Variants in PIEZO1 observed in about 807,000 individuals in gnomAD.
PIEZO1 encodes piezo type mechanosensitive ion channel component 1 (Er blood group).
PIEZO1 carries 296 observed loss-of-function variants against 297.2 expected under a neutral mutation model. The observed-to-expected ratio is 1.00, with a 90% CI of 0.91 to 1.10. The LOEUF is 1.10. Ranked by LOEUF, PIEZO1 falls within the 50% of genes least tolerant of loss-of-function variation. The pLI is 0.00. For missense variants in PIEZO1, 5,018 were observed against 3,455.5 expected, an observed-to-expected ratio of 1.45 and a Z score of -11.34; for synonymous variants, 2,427 against 1,507.5, an observed-to-expected ratio of 1.61 and a Z score of -14.13.
chr16:88,751,497 C>T (rs1005836197), intron 1 of PIEZO1, among the ~76,000 whole-genome samples: 4 of 152,226 alleles, frequency 2.6e-5, no homozygotes, highest in South Asian at 4.1e-4. Flanking sequence ...GCACACATCG[C>T]GGAGTGCCGG....
At chr16:88,779,503 G>A (rs1406463180) in intron 1 of PIEZO1, among the ~76,000 whole-genome samples, 2 of 152,196 alleles carry the variant, frequency 1.3e-5, no homozygotes, top group Non-Finnish European at 2.9e-5. Context: ...AGAGCAGGGA[G>A]CTCCAGCCCC....
In PIEZO1 at chr16:88,733,555, C is replaced by T. The variant is rs536851594; in HGVS notation, c.2487+33G>A. On this transcript the variant is annotated intron_variant, in intron 18 of 50. Coordinates refer to ENST00000301015, the MANE Select transcript of PIEZO1 (RefSeq NM_001142864.4). The stretch of plus-strand genomic sequence containing the variant: ...TGGGCAGGCCAGAGCGACCCCACCC[C>T]AGATGGGAAGCTGAGTTGCCTGCCA... 2.6e-6 allele frequency: 4 copies of T among 1,528,386 alleles called. No homozygotes were observed. The Admixed American group carries it at 6.0e-5, about 23-fold the overall frequency. 94.7% of individuals were successfully genotyped at this position (1,528,386 alleles called of 1,614,324 possible). A position where few individuals can be genotyped will look rare whatever the true frequency, so the allele number is the denominator to read the frequency against.
At chr16:88,732,219 T>C in intron 21 of PIEZO1, 116 bp downstream of exon 21, 1 of 871,424 alleles carries the variant, frequency 1.1e-6, no homozygotes, top group Non-Finnish European at 1.8e-6. Flanking sequence ...TCCCCCACCC[T>C]CTGTGGCCCA....
rs1452160099 is a variant in PIEZO1 at position 88,734,535 on chromosome 16, C to G, written c.2001G>C (p.Leu667=). ...TGAACTGCTCCAGGCCCAGGTCCCC[C>G]AGCCTGTGGAGGGGCAGCATCAGCA... ...RNLTGFTDEQ[L]GDLGLEQFSV... The change falls in exon 16 of 51, where the codon CTG becomes CTC. Residue 667 remains leucine, a synonymous_variant. Transcript: ENST00000301015. 6 of 1,542,332 alleles carry G rather than the reference C, an allele frequency of 3.9e-6. No individual in the cohort carries two copies. The Admixed American group carries it at 9.9e-5, about 25-fold the overall frequency.
intron 1 of PIEZO1, among the ~76,000 whole-genome samples, chr16:88,766,117 G>C (rs555456984): frequency 6.6e-6 from 1 of 152,220 alleles, no homozygotes; most frequent in African/African-American, 2.4e-5. Flanking sequence ...GTTGATTCAT[G>C]TGTCAGCGCT....
At position 88,722,052 on chromosome 16, in the gene PIEZO1, G is replaced by A. The variant is rs1321189012; in HGVS notation, c.4970C>T (p.Pro1657Leu). 3.9e-6 allele frequency: 6 copies of A among 1,546,574 alleles called. No individual in the cohort carries two copies. The highest frequency in any genetic ancestry group is 5.2e-6 in the Non-Finnish European group (6 of 1,145,836). Reference protein sequence around the residue: ...ELLLDRRLRIPELEEAELFAE... With the variant: ...ELLLDRRLRILELEEAELFAE... ...AAACAGCTCTGCCTCCTCCAGCTCT[G>A]GGATGCGCAGGCGCCTACAGGGAGA... The change falls in exon 37 of 51, where the codon CCA becomes CTA. Residue 1657 changes from proline to leucine, a missense_variant. Coordinates refer to ENST00000301015, the MANE Select transcript of PIEZO1 (RefSeq NM_001142864.4).
At chr16:88,776,327 G>C (rs942971231) in intron 1 of PIEZO1, among the ~76,000 whole-genome samples, 1 of 152,184 alleles carries the variant, frequency 6.6e-6, no homozygotes, top group Non-Finnish European at 1.5e-5. Context: ...CCAGCTACTC[G>C]GGAGGCTGAG....
chr16:88,735,809 CAG>C (rs1905171217), intron 12 of PIEZO1, among the ~76,000 whole-genome samples: 2 of 152,364 alleles, frequency 1.3e-5, no homozygotes, highest in African/African-American at 2.4e-5. Flanking sequence ...CACACACTGT[CAG>C]GGGCGCAGGG....
rs1005608662 is a variant in PIEZO1 at position 88,733,984 on chromosome 16, C to T, written c.2251G>A (p.Glu751Lys). Reference protein sequence around the residue: ...QQEHQQQQQEEEEEEEDSRDE... With the variant: ...QQEHQQQQQEKEEEEEDSRDE... ...CTGGAGTCCTCCTCCTCCTCCTCCTCCTCCTGCTGCTGCTGCTGATGCTCC... is the reference window on the plus strand; with the variant it reads ...CTGGAGTCCTCCTCCTCCTCCTCCTTCTCCTGCTGCTGCTGCTGATGCTCC... The change falls in exon 17 of 51, where the codon GAG (glutamate) becomes AAG (lysine). Residue 751 changes from glutamate (E) to lysine (K), a missense_variant. Transcript: ENST00000301015. The T allele has an allele frequency of 2.0e-6, 3 of 1,521,970 alleles. No homozygotes were observed. Among genetic ancestry groups the T allele is most frequent in the Non-Finnish European group, 1.8e-6 (2 of 1,123,528 alleles). The allele number at this position is 1,521,970 out of a possible 1,614,324, so 94.3% of individuals were successfully genotyped here. A position where few individuals can be genotyped will look rare whatever the true frequency, so the allele number is the denominator to read the frequency against.
chr16:88,760,371 AC>A (rs1567688953), intron 1 of PIEZO1, among the ~76,000 whole-genome samples: 1 of 152,176 alleles, frequency 6.6e-6, no homozygotes, highest in African/African-American at 2.4e-5. Context: ...CCCAGTCTAT[AC>A]TCTCTGTCCA....
intron 1 of PIEZO1, among the ~76,000 whole-genome samples, chr16:88,753,819 G>A (rs1906519754): frequency 6.6e-6 from 1 of 152,230 alleles, no homozygotes; most frequent in Admixed American, 6.5e-5. Context: ...GGAGGAGACG[G>A]CATTGCTTTT....
chr16:88,766,128 G>A (rs1242837566), intron 1 of PIEZO1, among the ~76,000 whole-genome samples: 4 of 152,208 alleles, frequency 2.6e-5, no homozygotes, highest in African/African-American at 4.8e-5. Context: ...TGTCAGCGCT[G>A]CTGGGCCACG....
In PIEZO1 at chr16:88,735,183, A is replaced by C. The variant is rs1905126128; in HGVS notation, c.1621T>G (p.Trp541Gly). Residue 541 changes from tryptophan to glycine, a missense_variant, in exon 13 of 51, where the codon TGG becomes GGG. Physicochemically the swap from Trp to Gly is radical, Grantham distance 184. Transcript: ENST00000301015. ...GTCAGCGCAGCTGGAGACTCTGCCC[A>C]CTTCAGCAGCTTCTCTTTCACAAAC... ...RQFVKEKLLK[W>G]AESPAALTEV... is the part of the protein sequence containing the mutation. The C allele has an allele frequency of 6.5e-7, 1 of 1,550,288 alleles. No homozygotes were observed. Among genetic ancestry groups the C allele is most frequent in the Admixed American group, 2.0e-5 (1 of 50,986 alleles).
intron 23 of PIEZO1, 34 bp from the exon 24 acceptor site, chr16:88,727,226 G>A (rs747146705): frequency 4.2e-5 from 63 of 1,503,972 alleles, no homozygotes; most frequent in Middle Eastern, 2.3e-4. Context: ...TGTGCCACAC[G>A]GGGACCCACA....
intron 22 of PIEZO1, among the ~76,000 whole-genome samples, chr16:88,729,769 G>A (rs543078875): frequency 7.0e-6 from 1 of 143,434 alleles, no homozygotes; most frequent in African/African-American, 2.6e-5. Context: ...CTCGATGCTG[G>A]GGAACCCAGG....
intron 1 of PIEZO1, among the ~76,000 whole-genome samples, chr16:88,772,990 G>A (rs532314021): frequency 1.3e-5 from 2 of 152,308 alleles, no homozygotes; most frequent in South Asian, 4.1e-4. Flanking sequence ...CCCCAGGGGT[G>A]CCTGGAAGAC....
chr16:88,755,103 G>C (rs1394551620), intron 1 of PIEZO1, among the ~76,000 whole-genome samples: 1 of 152,188 alleles, frequency 6.6e-6, no homozygotes, highest in East Asian at 1.9e-4. Context: ...GGGGCTGGGT[G>C]ATCTGTCCCG....
At chr16:88,764,929 C>G (rs1447554021) in intron 1 of PIEZO1, among the ~76,000 whole-genome samples, 1 of 152,140 alleles carries the variant, frequency 6.6e-6, no homozygotes, top group Admixed American at 6.5e-5. Context: ...ACAAGGGCTT[C>G]CTAAGAAGCC....
chr16:88,738,766 A>G (rs758771769), intron 5 of PIEZO1, 30 bp from the exon 6 acceptor site: 2 of 1,515,916 alleles, frequency 1.3e-6, no homozygotes, highest in South Asian at 1.2e-5. Flanking sequence ...GGGCAAGGTC[A>G]GGTGTATCGC....
Sources: allele counts gnomAD v4.1 joint callset (sites outside exome capture counted in the v4.1 genomes callset), GRCh38; gene constraint gnomAD v4.1.1; transcripts MANE v1.5; gene names NCBI Gene and HGNC (gene_info 2026-07-23, HGNC 2026-07-21).